Variants in CDH12 observed in about 807,000 individuals in gnomAD.
The protein encoded by CDH12 is cadherin 12.
In CDH12, 41 loss-of-function variants were observed where a neutral mutation model predicts 74.1. That is an observed-to-expected ratio of 0.55 (90% CI 0.43 to 0.72). The LOEUF is 0.72. Among genes scored for constraint, CDH12 ranks in the 30% least tolerant of loss-of-function variants. CDH12 has a pLI of 0.00. For missense variants in CDH12, 945 were observed against 977.2 expected (o/e 0.97, Z 0.44); for synonymous variants, 399 against 355.0 (o/e 1.12, Z -1.39).
chr5:22,515,604 C>A lies in CDH12; in HGVS notation c.-522-10240G>T, dbSNP rs573983094. 1.8e-4 allele frequency among the ~76,000 whole-genome samples: 28 copies of A among 152,124 alleles called. No homozygotes were observed. In the East Asian group the frequency reaches 5.0e-3, roughly 27 times the overall value. ...GAGAGCCTTGAAACACACACATACA[C>A]AAACTCACACTGAAAACCTAATATA... On this transcript the variant is annotated intron_variant, in intron 1 of 14. Coordinates refer to ENST00000382254, the MANE Select transcript of CDH12 (RefSeq NM_004061.5).
intron 5 of CDH12, among the ~76,000 whole-genome samples, chr5:22,040,131 A>G (rs1739467447): frequency 6.6e-6 from 1 of 152,002 alleles, no homozygotes; most frequent in Non-Finnish European, 1.5e-5. Context: ...AAAAAGAACT[A>G]AACATAAATC....
chr5:22,659,958 CAT>C (rs1292476639), intron 1 of CDH12, among the ~76,000 whole-genome samples: 4 of 151,898 alleles, frequency 2.6e-5, no homozygotes, highest in Non-Finnish European at 4.4e-5. Context: ...GAAATTTTAT[CAT>C]ATGTTCAATC....
chr5:22,170,245 A>G (rs1203042406), intron 4 of CDH12, among the ~76,000 whole-genome samples: 1 of 151,906 alleles, frequency 6.6e-6, no homozygotes, highest in Non-Finnish European at 1.5e-5. Flanking sequence ...TTCAAAGGCA[A>G]AAGATAATAA....
At chr5:21,798,463 G>A (rs778903642) in intron 10 of CDH12, among the ~76,000 whole-genome samples, 1 of 152,086 alleles carries the variant, frequency 6.6e-6, no homozygotes, top group Non-Finnish European at 1.5e-5. Flanking sequence ...AGACAGATGA[G>A]CTTTTTTAGA....
At chr5:22,720,681 C>T (rs1006639909) in intron 1 of CDH12, among the ~76,000 whole-genome samples, 1 of 152,094 alleles carries the variant, frequency 6.6e-6, no homozygotes, top group Non-Finnish European at 1.5e-5. Context: ...AAGTTTGGAG[C>T]TTCCTAGAGA....
chr5:22,345,448 A>C (rs1422897274), intron 3 of CDH12, among the ~76,000 whole-genome samples: 2 of 152,200 alleles, frequency 1.3e-5, no homozygotes, highest in Non-Finnish European at 2.9e-5. Context: ...ACAATTCTAA[A>C]ATCTAAAACA....
At chr5:22,086,399 C>T (rs1743069143) in intron 4 of CDH12, among the ~76,000 whole-genome samples, 1 of 151,972 alleles carries the variant, frequency 6.6e-6, no homozygotes, top group Non-Finnish European at 1.5e-5. Flanking sequence ...GGCTGGAGTG[C>T]AGTGGCGTGA....
At chr5:22,416,175 C>A in intron 2 of CDH12, among the ~76,000 whole-genome samples, 1 of 134,594 alleles carries the variant, frequency 7.4e-6, no homozygotes. Context: ...CCCAGGTTCA[C>A]GCCATTCTCC....
chr5:21,833,333 A>G (rs1165516751), intron 8 of CDH12, among the ~76,000 whole-genome samples: 6 of 63,188 alleles, frequency 9.5e-5, no homozygotes, highest in African/African-American at 1.2e-4. Context: ...TATATATTAT[A>G]TATTATATAA....
rs1448451356 is a variant in CDH12, at chr5:22,493,487, G to GATGCATAGATA, written c.-428+11782_-428+11783insTATCTATGCAT. On this transcript the variant is annotated intron_variant, in intron 2 of 14. Coordinates refer to ENST00000382254, the MANE Select transcript of CDH12 (RefSeq NM_004061.5). Reference sequence around the variant, plus strand: ...AAATTTAATGCATGCATAGATACATGCTACGCACTCTACTTGGTACTGAAA... The same window carrying GATGCATAGATA: ...AAATTTAATGCATGCATAGATACATGATGCATAGATACTACGCACTCTACTTGGTACTGAAA... Among the ~76,000 whole-genome samples, 486 of 152,296 alleles carry GATGCATAGATA rather than the reference G, an allele frequency of 3.2e-3. 2 individuals are homozygous for GATGCATAGATA. Among genetic ancestry groups the GATGCATAGATA allele is most frequent in the African/African-American group, 0.011 (460 of 41,560 alleles).
intron 1 of CDH12, among the ~76,000 whole-genome samples, chr5:22,600,622 T>A (rs1306660769): frequency 6.6e-6 from 1 of 152,104 alleles, no homozygotes; most frequent in East Asian, 1.9e-4. Context: ...AAATTAATTT[T>A]CCCTCCTCTT....
At chr5:22,490,528 GA>G (rs1253139065) in intron 2 of CDH12, among the ~76,000 whole-genome samples, 4 of 145,286 alleles carry the variant, frequency 2.8e-5, no homozygotes, top group Admixed American at 6.8e-5. Flanking sequence ...CCATTCATAA[GA>G]AAAAAATTCA....
chr5:22,122,428 CAAACA>C (rs994163983), intron 4 of CDH12, among the ~76,000 whole-genome samples: 1 of 151,954 alleles, frequency 6.6e-6, no homozygotes, highest in Non-Finnish European at 1.5e-5. Context: ...AACAAACAAA[CAAACA>C]AAACTCTTTT....
intron 3 of CDH12, among the ~76,000 whole-genome samples, chr5:22,223,757 G>A (rs78432186): frequency 1.3e-5 from 2 of 151,946 alleles, no homozygotes; most frequent in African/African-American, 4.8e-5. Context: ...GGAGAGGACT[G>A]TGAAAAGCTG....
intron 2 of CDH12, among the ~76,000 whole-genome samples, chr5:22,429,205 C>T (rs1009700736): frequency 2.6e-5 from 4 of 151,916 alleles, no homozygotes; most frequent in Admixed American, 6.6e-5. Flanking sequence ...GATCATGACT[C>T]ATGCAGCCCC....
chr5:22,252,215 T>C (rs561143473), intron 3 of CDH12, among the ~76,000 whole-genome samples: 1 of 152,116 alleles, frequency 6.6e-6, no homozygotes, highest in South Asian at 2.1e-4. Flanking sequence ...ATTACTATAA[T>C]AGTACTGTTG....
intron 3 of CDH12, among the ~76,000 whole-genome samples, chr5:22,317,191 G>A (rs996648868): frequency 2.6e-5 from 4 of 152,112 alleles, no homozygotes; most frequent in East Asian, 1.9e-4. Flanking sequence ...ACTGGCGGGC[G>A]CCTGTAATCC....
chr5:22,029,748 C>G (rs531121857), intron 5 of CDH12, among the ~76,000 whole-genome samples: 1 of 151,938 alleles, frequency 6.6e-6, no homozygotes, highest in Admixed American at 6.6e-5. Context: ...TTTGACCCAG[C>G]CATCCCATTA....
intron 4 of CDH12, among the ~76,000 whole-genome samples, chr5:22,120,225 C>T (rs1411710722): frequency 6.6e-6 from 1 of 152,086 alleles, no homozygotes; most frequent in African/African-American, 2.4e-5. Context: ...TTGTGTTGCA[C>T]TACATAAACA....
Sources: gnomAD v4.1 joint callset for allele counts (sites outside exome capture counted in the v4.1 genomes callset) on GRCh38, gnomAD v4.1.1 for gene constraint, MANE v1.5 for transcripts, NCBI Gene and HGNC (gene_info 2026-07-23, HGNC 2026-07-21) for gene names.